Variants in NUP210 observed in about 807,000 individuals in gnomAD.
NUP210 encodes nuclear pore membrane glycoprotein 210.
A neutral mutation model predicts 196.0 loss-of-function variants in NUP210; 151 were observed. That is an observed-to-expected ratio of 0.77 (90% CI 0.67 to 0.88). NUP210 has a LOEUF of 0.88. Ranked by LOEUF, NUP210 falls within the 40% of genes least tolerant of loss-of-function variation. The pLI, the probability that NUP210 is intolerant of heterozygous loss-of-function variation, is 0.00. For missense variants in NUP210, 2,314 were observed against 2,493.7 expected (o/e 0.93, Z 1.53); for synonymous variants, 1,070 against 1,052.7 (o/e 1.02, Z -0.32).
At chr3:13,326,842 C>T (rs556052785) in intron 32 of NUP210, among the ~76,000 whole-genome samples, 2 of 152,368 alleles carry the variant, frequency 1.3e-5, no homozygotes, top group Admixed American at 1.3e-4. Flanking sequence ...AGGGGACCCC[C>T]CCACCGACTT....
chr3:13,369,624 A>T (rs115533814), intron 13 of NUP210, among the ~76,000 whole-genome samples: 2,038 of 152,326 alleles, frequency 0.013, 32 homozygotes, highest in Middle Eastern at 0.054. Flanking sequence ...CTTCATTCTT[A>T]TGCATGTCGA....
chr3:13,360,695 T>G (rs543666910), intron 14 of NUP210, among the ~76,000 whole-genome samples: 1 of 152,272 alleles, frequency 6.6e-6, no homozygotes, highest in African/African-American at 2.4e-5. Flanking sequence ...TAGATAGAAT[T>G]AAGCCCTCAC....
intron 16 of NUP210, among the ~76,000 whole-genome samples, chr3:13,356,177 A>G (rs1698166406): frequency 6.6e-6 from 1 of 152,236 alleles, no homozygotes; most frequent in Admixed American, 6.5e-5. Flanking sequence ...GGCCAGGGTC[A>G]GGCTGAGCCT....
chr3:13,377,460 G>T lies in NUP210; in HGVS notation c.1148C>A (p.Ser383Tyr). Residue 383 changes from serine (S) to tyrosine (Y), a missense_variant, in exon 9 of 40, where the codon TCT becomes TAT. Ser to Tyr is a moderately radical substitution (Grantham distance 144). Coordinates refer to ENST00000254508, the MANE Select transcript of NUP210 (RefSeq NM_024923.4). The stretch of plus-strand genomic sequence containing the variant: ...AGGACCTGAACAGGCACTCACGTCA[G>T]ATACATAGACCTTGTTGCTGAACTT... The part of the protein sequence containing the change: ...FDKFSNKVYV[S>Y]DNIRIETVLP... The T allele has an allele frequency of 6.2e-7, 1 of 1,611,104 alleles. No individual in the cohort carries two copies. The highest frequency in any genetic ancestry group is 8.5e-7 in the Non-Finnish European group (1 of 1,177,502).
At position 13,319,298 on chromosome 3, in the gene NUP210, AG is replaced by A; in HGVS notation, c.5410del (p.Leu1804TrpfsTer21). Reference protein sequence around the residue: ...PYGASLFQHFLDSYQVMFFTL... With the variant: ...PYGASLFQHFXDSYQVMFFTL... ...GAAGAACATGACCTGGTAGGAATCC[AG>A]GAAGTGCTGGAAGAGGCTGGCTCCA... On this transcript the variant is annotated frameshift_variant, in exon 38 of 40. Coordinates refer to ENST00000254508, the MANE Select transcript of NUP210 (RefSeq NM_024923.4). LOFTEE classifies it high-confidence loss of function. 1 of 1,612,306 alleles carries A rather than the reference AG, an allele frequency of 6.2e-7. No individual in the cohort carries two copies. Among genetic ancestry groups the A allele is most frequent in the Non-Finnish European group, 8.5e-7 (1 of 1,179,216 alleles).
intron 6 of NUP210, among the ~76,000 whole-genome samples, chr3:13,380,101 T>C (rs1021359013): frequency 1.6e-4 from 24 of 151,550 alleles, no homozygotes; most frequent in African/African-American, 5.8e-4. Context: ...CCTCTAGGGG[T>C]TTCCCAAGAA....
At chr3:13,388,184 G>A (rs1699348698) in intron 5 of NUP210, 119 bp downstream of exon 5, 3 of 712,048 alleles carry the variant, frequency 4.2e-6, no homozygotes, top group South Asian at 4.2e-5. Context: ...GAAATCACGG[G>A]ACAGCATCTC....
chr3:13,364,510 C>T lies in NUP210; in HGVS notation c.1932+1436G>A, dbSNP rs536160118. On this transcript the variant is annotated intron_variant, in intron 14 of 39. Coordinates refer to ENST00000254508, the MANE Select transcript of NUP210 (RefSeq NM_024923.4). Reference sequence around the variant, plus strand: ...GTCTGCTCTGTGCCAGGCACTGAACCCAGGGCTAGGGGTTCAGAGATAAAA... The same window carrying T: ...GTCTGCTCTGTGCCAGGCACTGAACTCAGGGCTAGGGGTTCAGAGATAAAA... Among the ~76,000 whole-genome samples the T allele has an allele frequency of 5.3e-5, 8 of 152,258 alleles. No homozygotes were observed. The South Asian group carries it at 1.5e-3, about 28-fold the overall frequency.
At chr3:13,396,464 C>A (rs1223445485) in intron 3 of NUP210, among the ~76,000 whole-genome samples, 1 of 151,918 alleles carries the variant, frequency 6.6e-6, no homozygotes, top group Non-Finnish European at 1.5e-5. Context: ...GTTTCCCTTA[C>A]TGGCCAGGTG....
intron 27 of NUP210, among the ~76,000 whole-genome samples, chr3:13,336,430 C>G (rs1697218219): frequency 6.6e-6 from 1 of 152,174 alleles, no homozygotes; most frequent in Non-Finnish European, 1.5e-5. Flanking sequence ...GGGCCCCTCG[C>G]TGGGCTAAGG....
At position 13,348,194 on chromosome 3, in the gene NUP210, G is replaced by A. The variant is rs1039176933; in HGVS notation, c.2835+3685C>T. The A allele has an allele frequency of 1.2e-5, 2 of 163,530 alleles. No homozygotes were observed. The highest frequency in any genetic ancestry group is 4.8e-5 in the African/African-American group (2 of 41,684). The allele number at this position is 163,530 out of a possible 1,614,324, so 10.1% of individuals were successfully genotyped here. A position where few individuals can be genotyped will look rare whatever the true frequency, so the allele number is the denominator to read the frequency against. On this transcript the variant is annotated intron_variant, in intron 20 of 39. Coordinates refer to ENST00000254508, the MANE Select transcript of NUP210 (RefSeq NM_024923.4). The surrounding 1 kb of genome is among the most constrained non-coding windows in gnomAD (Gnocchi z 4.0). The stretch of plus-strand genomic sequence containing the variant: ...TTTTAGGATTCAAGAGGGGTTTAAA[G>A]GTCTCCTGGGGAAACTTGACTCCCA...
At chr3:13,360,195 A>G in intron 15 of NUP210, 75 bp downstream of exon 15, 1 of 1,283,996 alleles carries the variant, frequency 7.8e-7, no homozygotes, top group Non-Finnish European at 1.1e-6. Context: ...CAAGGAGTAA[A>G]TAAAACAATA....
In NUP210 at chr3:13,340,735, T is replaced by G. The variant is rs924693959; in HGVS notation, c.3229-437A>C. On this transcript the variant is annotated intron_variant, in intron 23 of 39. Transcript: ENST00000254508. The surrounding 1 kb of genome is among the most constrained non-coding windows in gnomAD (Gnocchi z 4.0). ...CAGGGGTGGCCCCACAGGACAGCCC[T>G]GCCGATATGGGAGCACCCAGACCCC... is the stretch of plus-strand genomic sequence containing the variant. 6.6e-6 allele frequency among the ~76,000 whole-genome samples: 1 copy of G among 152,028 alleles called. No homozygotes were observed. Among genetic ancestry groups the G allele is most frequent in the African/African-American group, 2.4e-5 (1 of 41,406 alleles).
At chr3:13,402,832 C>A (rs1699883020) in intron 1 of NUP210, among the ~76,000 whole-genome samples, 1 of 152,208 alleles carries the variant, frequency 6.6e-6, no homozygotes, top group African/African-American at 2.4e-5. Context: ...CATGCATACA[C>A]AACACTTCCC....
intron 9 of NUP210, 73 bp downstream of exon 9, chr3:13,377,383 G>T: frequency 9.4e-7 from 1 of 1,068,372 alleles, no homozygotes; most frequent in Non-Finnish European, 1.4e-6. Context: ...TGCTTTGGGG[G>T]CTGCTCTTCA....
In NUP210 at chr3:13,420,222, G is replaced by T; in HGVS notation, c.5C>A (p.Ala2Glu). MAARGRGLLLLT... is the reference protein window; with the variant it reads MEARGRGLLLLT... ...CAGCAGCAGCCCCCGGCCCCGCGCC[G>T]CCATCCTCGCCGCGCGTCACCTCCC... Residue 2 changes from alanine to glutamate, a missense_variant, in exon 1 of 40, where the codon GCG becomes GAG. Physicochemically the swap from Ala to Glu is moderately radical, Grantham distance 107 (BLOSUM62 -1). Transcript: ENST00000254508. The surrounding 1 kb of genome is among the most constrained non-coding windows in gnomAD (Gnocchi z 4.8). The T allele has an allele frequency of 1.8e-6, 2 of 1,136,376 alleles. No individual in the cohort carries two copies. The highest frequency in any genetic ancestry group is 1.1e-6 in the Non-Finnish European group (1 of 923,104). 70.4% of individuals were successfully genotyped at this position (1,136,376 alleles called of 1,614,324 possible).
intron 1 of NUP210, among the ~76,000 whole-genome samples, chr3:13,415,129 G>A (rs1325343002): frequency 2.0e-5 from 3 of 152,262 alleles, no homozygotes; most frequent in African/African-American, 7.2e-5. Flanking sequence ...TTGAGAGGCT[G>A]AGGCAGGAGA....
chr3:13,372,356 TGAAGTGCACTGTGCA>T (rs1240928108), intron 12 of NUP210, among the ~76,000 whole-genome samples: 1 of 152,154 alleles, frequency 6.6e-6, no homozygotes, highest in Non-Finnish European at 1.5e-5. Flanking sequence ...TCCAGTGTGC[TGAAGTGCACTGTGCA>T]GGGGCAGTGG....
intron 1 of NUP210, among the ~76,000 whole-genome samples, chr3:13,408,404 C>A (rs1340798172): frequency 6.6e-6 from 1 of 152,110 alleles, no homozygotes; most frequent in Non-Finnish European, 1.5e-5. Flanking sequence ...TCTCTCTCTC[C>A]TGAGAGTCTG....
Sources: allele counts gnomAD v4.1 joint callset (sites outside exome capture counted in the v4.1 genomes callset), GRCh38; gene constraint gnomAD v4.1.1; non-coding constraint Gnocchi (gnomAD v3.1); transcripts MANE v1.5; gene names NCBI Gene and HGNC (gene_info 2026-07-23, HGNC 2026-07-21).